The following RGS6 variants were observed in gnomAD, a reference collection of about 807,000 sequenced individuals.
The protein encoded by RGS6 is regulator of G protein signaling 6.
In RGS6, 30 loss-of-function variants were observed where a neutral mutation model predicts 78.5. That is an observed-to-expected ratio of 0.38 (90% confidence interval 0.29 to 0.52). The LOEUF is 0.52. Among genes scored for constraint, RGS6 ranks in the 20% least tolerant of loss-of-function variants. The probability of loss-of-function intolerance (pLI) is 0.85; values close to 1 mark genes in which losing one functional copy is unlikely to be tolerated. For missense variants in RGS6, 495 were observed against 609.7 expected (o/e 0.81, Z 1.98); for synonymous variants, 206 against 206.0 (o/e 1.00, Z 0.00).
At chr14:72,214,993 G>T (rs1252394094) in intron 2 of RGS6, among the ~76,000 whole-genome samples, 1 of 152,194 alleles carries the variant, frequency 6.6e-6, no homozygotes, top group Non-Finnish European at 1.5e-5. Context: ...TTAGAACTCT[G>T]TTATTCTATT....
chr14:72,068,211 G>T (rs919047228), intron 2 of RGS6, among the ~76,000 whole-genome samples: 1 of 149,338 alleles, frequency 6.7e-6, no homozygotes, highest in African/African-American at 2.5e-5. Flanking sequence ...TTGACTCACT[G>T]CAACCTCTGC....
intron 12 of RGS6, among the ~76,000 whole-genome samples, chr14:72,481,334 A>G (rs1464454183): frequency 6.6e-6 from 1 of 152,186 alleles, no homozygotes; most frequent in Non-Finnish European, 1.5e-5. Context: ...ATGAGACAGA[A>G]TGAACTGGAT....
intron 2 of RGS6, among the ~76,000 whole-genome samples, chr14:72,009,235 T>C (rs373693511): frequency 6.6e-6 from 1 of 152,134 alleles, no homozygotes; most frequent in Non-Finnish European, 1.5e-5. Flanking sequence ...CCTGTAGTCC[T>C]AGATACTCGG....
At chr14:72,185,949 C>T (rs769208265) in intron 2 of RGS6, among the ~76,000 whole-genome samples, 16 of 152,176 alleles carry the variant, frequency 1.1e-4, no homozygotes, top group African/African-American at 3.4e-4. Flanking sequence ...AATTATAATT[C>T]GTACATAATT....
rs544602589 is a variant in RGS6, at chr14:72,476,195, C to G, written c.694-547C>G. Among the ~76,000 whole-genome samples, 13 of 152,314 alleles carry G rather than the reference C, an allele frequency of 8.5e-5. No homozygotes were observed. In the East Asian group the frequency reaches 2.5e-3, roughly 29 times the overall value. On this transcript the variant is annotated intron_variant, in intron 10 of 17. Transcript: ENST00000553525. Reference sequence around the variant, plus strand: ...ATGTGGAAAAACTTAGGCCAGAAAACTGTTTAACTTGAAAGGGAAACCCTG... The same window carrying G: ...ATGTGGAAAAACTTAGGCCAGAAAAGTGTTTAACTTGAAAGGGAAACCCTG...
At chr14:72,173,474 A>G (rs561638951) in intron 2 of RGS6, among the ~76,000 whole-genome samples, 103 of 152,288 alleles carry the variant, frequency 6.8e-4, no homozygotes, top group African/African-American at 2.4e-3. Flanking sequence ...CAGGGCATCC[A>G]TGCTCACGGC....
intron 3 of RGS6, among the ~76,000 whole-genome samples, chr14:72,452,472 G>A (rs1330185501): frequency 5.3e-5 from 8 of 152,178 alleles, no homozygotes; most frequent in Admixed American, 5.2e-4. Context: ...ACCTGCCATG[G>A]ACCCAGAGAG....
chr14:72,351,765 G>T (rs563895641), intron 2 of RGS6, among the ~76,000 whole-genome samples: 1 of 152,250 alleles, frequency 6.6e-6, no homozygotes, highest in Non-Finnish European at 1.5e-5. Flanking sequence ...AACCCAATTT[G>T]GAAAAGAAGG....
chr14:72,499,050 C>A (rs1030711276), intron 13 of RGS6, among the ~76,000 whole-genome samples: 17 of 152,162 alleles, frequency 1.1e-4, no homozygotes, highest in Admixed American at 9.8e-4. Context: ...GACATCCCTG[C>A]AGCCAAGTGT....
chr14:72,352,066 T>C, intron 2 of RGS6, 29 bp from the exon 3 acceptor site: 2 of 1,515,370 alleles, frequency 1.3e-6, no homozygotes, highest in Non-Finnish European at 9.1e-7. Context: ...TGGGAGAAAA[T>C]AACACTTCTT....
At chr14:72,527,317 A>G (rs183260496) in intron 15 of RGS6, among the ~76,000 whole-genome samples, 2 of 152,380 alleles carry the variant, frequency 1.3e-5, no homozygotes, top group Non-Finnish European at 2.9e-5. Flanking sequence ...TCAGCCAACC[A>G]GTACTGACTC....
chr14:72,434,173 A>C (rs1395493072), intron 3 of RGS6, among the ~76,000 whole-genome samples: 2 of 151,968 alleles, frequency 1.3e-5, no homozygotes, highest in Non-Finnish European at 2.9e-5. Context: ...TCATCTCCAC[A>C]AAAAAATTAA....
chr14:72,517,641 A>G (rs966145578), intron 14 of RGS6, among the ~76,000 whole-genome samples: 12 of 152,340 alleles, frequency 7.9e-5, no homozygotes, highest in Admixed American at 7.8e-4. Context: ...TCTGAAACCC[A>G]TATATTGAGC....
chr14:71,965,940 T>G (rs2093483928), intron 2 of RGS6, among the ~76,000 whole-genome samples: 1 of 152,220 alleles, frequency 6.6e-6, no homozygotes, highest in African/African-American at 2.4e-5. Context: ...TGACGGGGTT[T>G]TTGACGTTGG....
rs144597630 is a variant in RGS6 at position 72,269,737 on chromosome 14, G to T, written c.85-82358G>T. On this transcript the variant is annotated intron_variant, in intron 2 of 17. Coordinates refer to ENST00000553525, the MANE Select transcript of RGS6 (RefSeq NM_001204424.2). The stretch of plus-strand genomic sequence containing the variant: ...CCACCACCATGCCTGATTAACTTTT[G>T]CATTTTTAGTAGAGTTGGGGTTTCA... Among the ~76,000 whole-genome samples, 604 of 151,916 alleles carry T rather than the reference G, an allele frequency of 4.0e-3. 2 individuals carry two copies. Among genetic ancestry groups the T allele is most frequent in the African/African-American group, 0.014 (572 of 41,412 alleles).
chr14:72,510,305 G>T (rs1379104781), intron 14 of RGS6, 26 bp downstream of exon 14: 1 of 1,613,964 alleles, frequency 6.2e-7, no homozygotes, highest in South Asian at 1.1e-5. Context: ...TTTGAGCTGT[G>T]TGCGGAATGT....
intron 2 of RGS6, among the ~76,000 whole-genome samples, chr14:72,031,324 T>C (rs946190932): frequency 1.3e-5 from 2 of 152,196 alleles, no homozygotes; most frequent in Admixed American, 1.3e-4. Flanking sequence ...TAATTATTTT[T>C]AATATTTGTA....
chr14:72,595,283 C>T, the RGS6 span, among the ~76,000 whole-genome samples: 92 of 152,090 alleles, frequency 6.0e-4, 1 homozygote, highest in African/African-American at 2.1e-3. Flanking sequence ...CTAAATACAC[C>T]GGTTCAGTGT....
intron 2 of RGS6, among the ~76,000 whole-genome samples, chr14:72,147,526 A>G (rs950887979): frequency 7.2e-5 from 11 of 152,222 alleles, no homozygotes; most frequent in African/African-American, 2.4e-4. Context: ...TAATCTATTC[A>G]TGAGCCCTCA....
Sources: gnomAD v4.1 joint callset for allele counts (sites outside exome capture counted in the v4.1 genomes callset) on GRCh38, gnomAD v4.1.1 for gene constraint, MANE v1.5 for transcripts, NCBI Gene and HGNC (gene_info 2026-07-23, HGNC 2026-07-21) for gene names.